LRRC2: variants seen among roughly 807,000 people sequenced by gnomAD.
The protein encoded by LRRC2 is leucine rich repeat containing 2.
LRRC2 carries 27 observed loss-of-function variants against 40.2 expected under a neutral mutation model. The observed-to-expected ratio is 0.67, with a 90% CI of 0.49 to 0.93. The LOEUF (loss-of-function observed/expected upper bound fraction) is 0.93. LRRC2 is among the 40% of genes least tolerant of loss of function. The pLI, the probability that LRRC2 is intolerant of heterozygous loss-of-function variation, is 0.00. For missense variants in LRRC2, 402 were observed against 439.6 expected (o/e 0.91, Z 0.76); for synonymous variants, 147 against 158.9 (o/e 0.92, Z 0.56).
At chr3:46,562,337 A>T (rs936918060) in intron 1 of LRRC2, among the ~76,000 whole-genome samples, 2 of 152,194 alleles carry the variant, frequency 1.3e-5, no homozygotes, top group African/African-American at 4.8e-5. Flanking sequence ...AGATGACGGC[A>T]GCCCCTGTGG....
At chr3:46,550,199 T>G (rs973450981) in intron 2 of LRRC2, among the ~76,000 whole-genome samples, 2 of 152,160 alleles carry the variant, frequency 1.3e-5, no homozygotes, top group African/African-American at 4.8e-5. Flanking sequence ...TTGAGCAACT[T>G]ACCTAAGTCC....
chr3:46,541,494 T>A (rs1704391322), intron 3 of LRRC2, among the ~76,000 whole-genome samples: 1 of 152,198 alleles, frequency 6.6e-6, no homozygotes, highest in East Asian at 1.9e-4. Flanking sequence ...TTAGGTGCCA[T>A]AAACCTTGCA....
chr3:46,532,867 T>G lies in LRRC2; in HGVS notation c.533A>C (p.Tyr178Ser), dbSNP rs115132856. 1,484 of 1,614,010 alleles carry G rather than the reference T, an allele frequency of 9.2e-4. 12 individuals are homozygous for G. In the African/African-American group the frequency reaches 0.016, roughly 17 times the overall value. Reference sequence around the variant, plus strand: ...CAATTCTGGAGGAATGCTCTTCAGATAGTTGAAACCCACATTGAGTTCTTT... The same window carrying G: ...CAATTCTGGAGGAATGCTCTTCAGAGAGTTGAAACCCACATTGAGTTCTTT... ...NLKELNVGFN[Y>S]LKSIPPELGD... The change falls in exon 5 of 9, where the codon TAT becomes TCT. Residue 178 changes from tyrosine (Y) to serine (S), a missense_variant. Tyr to Ser is a moderately radical substitution (Grantham distance 144). Coordinates refer to ENST00000395905, the MANE Select transcript of LRRC2 (RefSeq NM_024512.5).
intron 4 of LRRC2, among the ~76,000 whole-genome samples, chr3:46,534,416 C>T (rs866642558): frequency 6.3e-5 from 5 of 79,084 alleles, no homozygotes; most frequent in South Asian, 6.1e-4. Context: ...TTTTCTTTTC[C>T]TTCCTTCCTT....
At chr3:46,532,611 AAAG>A (rs1463220038) in intron 5 of LRRC2, among the ~76,000 whole-genome samples, 159 bp downstream of exon 5, 1 of 152,342 alleles carries the variant, frequency 6.6e-6, no homozygotes, top group South Asian at 2.1e-4. Context: ...CCTCAAAAAA[AAAG>A]AAGTTTTTAA....
chr3:46,539,845 G>A (rs1162540036), intron 3 of LRRC2, among the ~76,000 whole-genome samples: 1 of 152,184 alleles, frequency 6.6e-6, no homozygotes, highest in Non-Finnish European at 1.5e-5. Context: ...AGCAAGAAGC[G>A]TTTAAAGACT....
intron 3 of LRRC2, among the ~76,000 whole-genome samples, chr3:46,541,493 A>G (rs1038491222): frequency 1.3e-5 from 2 of 152,214 alleles, no homozygotes; most frequent in African/African-American, 4.8e-5. Flanking sequence ...TTTAGGTGCC[A>G]TAAACCTTGC....
At chr3:46,529,322 A>G (rs559899152) in intron 6 of LRRC2, among the ~76,000 whole-genome samples, 3 of 152,318 alleles carry the variant, frequency 2.0e-5, no homozygotes, top group South Asian at 4.1e-4. Flanking sequence ...CATGCCTGTA[A>G]TCCCAGAACT....
chr3:46,528,476 A>C (rs747261037), intron 6 of LRRC2, among the ~76,000 whole-genome samples: 5 of 152,170 alleles, frequency 3.3e-5, no homozygotes, highest in Non-Finnish European at 5.9e-5. Flanking sequence ...TTCTCTCATT[A>C]CGTCTTCCAA....
At chr3:46,546,715 C>CTTTTTTTT (rs71098416) in intron 2 of LRRC2, among the ~76,000 whole-genome samples, 8 of 106,628 alleles carry the variant, frequency 7.5e-5, no homozygotes, top group African/African-American at 2.2e-4. Context: ...CAATTTGCTC[C>CTTTTTTTT]TTTTTTTTTT....
intron 3 of LRRC2, among the ~76,000 whole-genome samples, chr3:46,543,623 A>T (rs934290288): frequency 4.2e-5 from 4 of 94,670 alleles, no homozygotes; most frequent in African/African-American, 1.3e-4. Context: ...CTCAATTAAT[A>T]ATAATAATAA....
chr3:46,556,286 A>C (rs1704791793), intron 1 of LRRC2, among the ~76,000 whole-genome samples: 1 of 151,784 alleles, frequency 6.6e-6, no homozygotes, highest in Non-Finnish European at 1.5e-5. Flanking sequence ...TATCTGGCTA[A>C]TTTTTTTAAA....
intron 4 of LRRC2, among the ~76,000 whole-genome samples, chr3:46,533,442 C>T (rs1163301476): frequency 6.6e-6 from 1 of 152,156 alleles, no homozygotes; most frequent in East Asian, 1.9e-4. Context: ...CCCTAACTTA[C>T]GATGGAATTA....
intron 5 of LRRC2, among the ~76,000 whole-genome samples, chr3:46,532,100 C>T (rs1405012543): frequency 1.3e-5 from 2 of 152,074 alleles, no homozygotes; most frequent in Non-Finnish European, 1.5e-5. Context: ...ACAAGTTTTG[C>T]TATGAGTATA....
intron 2 of LRRC2, among the ~76,000 whole-genome samples, chr3:46,546,510 C>A (rs749696040): frequency 6.6e-6 from 1 of 152,214 alleles, no homozygotes; most frequent in Non-Finnish European, 1.5e-5. Flanking sequence ...AGCCTTTTCC[C>A]GGAATGCCGG....
intron 3 of LRRC2, among the ~76,000 whole-genome samples, chr3:46,544,808 G>C (rs1704490067): frequency 6.6e-6 from 1 of 152,216 alleles, no homozygotes; most frequent in Non-Finnish European, 1.5e-5. Context: ...GAACAGGAGA[G>C]GAACGCATCC....
At chr3:46,555,522 T>C (rs1704772268) in intron 1 of LRRC2, among the ~76,000 whole-genome samples, 1 of 152,248 alleles carries the variant, frequency 6.6e-6, no homozygotes, top group East Asian at 1.9e-4. Flanking sequence ...CTTTGGGTAG[T>C]TTTTTTCTCT....
chr3:46,532,965 AC>A, intron 4 of LRRC2, 56 bp from the exon 5 acceptor site: 15 of 1,561,016 alleles, frequency 9.6e-6, no homozygotes, highest in Non-Finnish European at 1.2e-5. Flanking sequence ...TCTTTTAAGA[AC>A]AAAAAGCAAA....
intron 4 of LRRC2, among the ~76,000 whole-genome samples, chr3:46,538,564 G>T (rs1259141108): frequency 6.6e-6 from 1 of 152,030 alleles, no homozygotes; most frequent in African/African-American, 2.4e-5. Context: ...AACCAGGGAG[G>T]CAGAGGTTGC....
Sources: gnomAD v4.1 joint callset for allele counts (sites outside exome capture counted in the v4.1 genomes callset) on GRCh38, gnomAD v4.1.1 for gene constraint, MANE v1.5 for transcripts, NCBI Gene and HGNC (gene_info 2026-07-23, HGNC 2026-07-21) for gene names.